Variants in VAV3 observed in about 807,000 individuals in gnomAD.
VAV3 encodes guanine nucleotide exchange factor VAV3.
A neutral mutation model predicts 131.2 loss-of-function variants in VAV3; 94 were observed. The observed-to-expected ratio is 0.72, with a 90% confidence interval of 0.61 to 0.85. VAV3 has a LOEUF of 0.85. Ranked by LOEUF, VAV3 falls within the 40% of genes least tolerant of loss-of-function variation. The pLI, the probability that VAV3 is intolerant of heterozygous loss-of-function variation, is 0.00. For synonymous variants in VAV3, 349 were observed against 342.0 expected (o/e 1.02, Z -0.22); for missense variants, 939 against 1,002.7 (o/e 0.94, Z 0.86).
intron 3 of VAV3, 118 bp downstream of exon 3, chr1:107,779,316 C>T: frequency 1.2e-6 from 1 of 825,330 alleles, no homozygotes; most frequent in Non-Finnish European, 1.7e-6. Context: ...ATACCAGGCA[C>T]TCTTCATGAA....
At chr1:107,603,263 G>A (rs1339551828) in intron 22 of VAV3, 100 bp from the exon 23 acceptor site, 2 of 849,268 alleles carry the variant, frequency 2.4e-6, no homozygotes, top group African/African-American at 1.7e-5. Context: ...TGGCAGATCT[G>A]AGCTGTTGGT....
chr1:107,599,853 T>C (rs1035725572), intron 24 of VAV3, among the ~76,000 whole-genome samples: 2 of 150,030 alleles, frequency 1.3e-5, no homozygotes, highest in African/African-American at 2.4e-5. Flanking sequence ...TACTGAACTA[T>C]TCTTAAGAAA....
At position 107,573,146 on chromosome 1, in the gene VAV3, A is replaced by T. The variant is rs17019458; in HGVS notation, c.*185T>A. On this transcript the variant is annotated 3_prime_UTR_variant, in exon 27 of 27. Coordinates refer to ENST00000370056, the MANE Select transcript of VAV3 (RefSeq NM_006113.5). ...CTTGCACAGCTCTAGGCAAGCCATTAATCTGTCAGTACCAGCATCTTTAGA... is the reference window on the plus strand; with the variant it reads ...CTTGCACAGCTCTAGGCAAGCCATTTATCTGTCAGTACCAGCATCTTTAGA... 718 of 661,452 alleles carry T rather than the reference A, an allele frequency of 1.1e-3. 6 individuals are homozygous for T. In the East Asian group the frequency reaches 0.02, roughly 18 times the overall value. 41.0% of individuals were successfully genotyped at this position (661,452 alleles called of 1,614,324 possible).
chr1:107,887,334 T>C (rs1024991278), intron 1 of VAV3, among the ~76,000 whole-genome samples: 3 of 152,236 alleles, frequency 2.0e-5, no homozygotes, highest in Non-Finnish European at 4.4e-5. Flanking sequence ...CACCAGTGCA[T>C]GTTGTTAAAA....
intron 2 of VAV3, chr1:107,862,621 T>G (rs1419151829): frequency 2.0e-5 from 3 of 151,530 alleles, no homozygotes; most frequent in Admixed American, 2.0e-4. Flanking sequence ...ATATTTACAA[T>G]TTATTGTAAG....
In VAV3 at chr1:107,704,944, G is replaced by A; in HGVS notation, c.1604+16C>T. 1 of 1,607,218 alleles carries A rather than the reference G, an allele frequency of 6.2e-7. No individual in the cohort carries two copies. The highest frequency in any genetic ancestry group is 8.5e-7 in the Non-Finnish European group (1 of 1,174,126). The stretch of plus-strand genomic sequence containing the variant: ...TCAGTTCCTTTAAACTGAAAACCAG[G>A]ACTGAGCAGGCTTACCTCAGGAGCA... On this transcript the variant is annotated intron_variant, in intron 16 of 26. Transcript: ENST00000370056.
chr1:107,780,822 T>A (rs1403848116), intron 2 of VAV3, among the ~76,000 whole-genome samples: 1 of 152,156 alleles, frequency 6.6e-6, no homozygotes, highest in Non-Finnish European at 1.5e-5. Context: ...GGCCATAAAG[T>A]TTATTTTTAT....
chr1:107,745,843 C>G (rs950236782), intron 15 of VAV3, among the ~76,000 whole-genome samples: 1 of 152,176 alleles, frequency 6.6e-6, no homozygotes, highest in Non-Finnish European at 1.5e-5. Flanking sequence ...TCCCTCCACC[C>G]TCTCACCAAT....
intron 1 of VAV3, among the ~76,000 whole-genome samples, chr1:107,878,953 T>C (rs1484247232): frequency 6.6e-6 from 1 of 152,166 alleles, no homozygotes; most frequent in Admixed American, 6.6e-5. Flanking sequence ...ACGCTAGTAT[T>C]CTTTTGTCAA....
chr1:107,597,553 G>C (rs1054051750), intron 24 of VAV3, among the ~76,000 whole-genome samples: 1 of 152,214 alleles, frequency 6.6e-6, no homozygotes, highest in Non-Finnish European at 1.5e-5. Flanking sequence ...AATGGGAAGG[G>C]TGACAGAAAG....
At chr1:107,876,515 C>T (rs1322958918) in intron 1 of VAV3, among the ~76,000 whole-genome samples, 2 of 152,042 alleles carry the variant, frequency 1.3e-5, no homozygotes, top group African/African-American at 4.8e-5. Flanking sequence ...AAGGACAGTT[C>T]CCCAAATGTA....
At chr1:107,707,195 T>C (rs1207529154) in intron 15 of VAV3, among the ~76,000 whole-genome samples, 1 of 152,130 alleles carries the variant, frequency 6.6e-6, no homozygotes, top group Non-Finnish European at 1.5e-5. Context: ...ACTAAAATGG[T>C]AAATTATTTT....
chr1:107,590,364 A>G (rs945533961), intron 25 of VAV3, among the ~76,000 whole-genome samples: 8 of 152,234 alleles, frequency 5.3e-5, no homozygotes, highest in Non-Finnish European at 1.5e-5. Flanking sequence ...CATGCAAGGC[A>G]TGTGCAAAAG....
At chr1:107,887,889 T>A (rs1318038886) in intron 1 of VAV3, among the ~76,000 whole-genome samples, 3 of 152,188 alleles carry the variant, frequency 2.0e-5, no homozygotes, top group Admixed American at 6.5e-5. Context: ...GCTTTGTCAT[T>A]TTTGTGACAA....
At chr1:107,793,603 T>C (rs1570962671) in intron 2 of VAV3, among the ~76,000 whole-genome samples, 1 of 151,996 alleles carries the variant, frequency 6.6e-6, no homozygotes, top group East Asian at 1.9e-4. Flanking sequence ...CACTTGGAGG[T>C]GAGGAGCTTG....
intron 10 of VAV3, among the ~76,000 whole-genome samples, chr1:107,759,088 C>G (rs1225861698): frequency 6.6e-6 from 1 of 152,080 alleles, no homozygotes; most frequent in African/African-American, 2.4e-5. Context: ...TTACATGTAC[C>G]TATCATATTG....
intron 2 of VAV3, 103 bp downstream of exon 2, chr1:107,874,798 G>T: frequency 9.9e-7 from 1 of 1,005,602 alleles, no homozygotes; most frequent in Non-Finnish European, 1.5e-6. Flanking sequence ...ATATAATGCA[G>T]ATACATAAAC....
intron 15 of VAV3, among the ~76,000 whole-genome samples, chr1:107,717,535 T>C (rs935075168): frequency 6.6e-6 from 1 of 152,204 alleles, no homozygotes; most frequent in Non-Finnish European, 1.5e-5. Context: ...AGTTTCCATG[T>C]AGTTGTGCGG....
At chr1:107,696,261 T>A (rs1351606747) in intron 17 of VAV3, among the ~76,000 whole-genome samples, 1 of 152,240 alleles carries the variant, frequency 6.6e-6, no homozygotes, top group Admixed American at 6.5e-5. Context: ...ATAATTAGCA[T>A]ATCTATCACC....
Sources: allele counts gnomAD v4.1 joint callset (sites outside exome capture counted in the v4.1 genomes callset), GRCh38; gene constraint gnomAD v4.1.1; transcripts MANE v1.5; gene names NCBI Gene and HGNC (gene_info 2026-07-23, HGNC 2026-07-21).